The following KRT6A variants were observed in gnomAD, a reference collection of about 807,000 sequenced individuals.
KRT6A encodes keratin, type II cytoskeletal 6A.
Under a neutral mutation model 48.6 loss-of-function variants are expected in KRT6A, and 28 were observed. The ratio of observed to expected loss-of-function variants is 0.58; its 90% confidence interval spans 0.43 to 0.79. KRT6A has a LOEUF of 0.79. Ranked by LOEUF, KRT6A falls within the 30% of genes least tolerant of loss-of-function variation. The pLI is 0.00. For missense variants in KRT6A, 687 were observed against 724.3 expected, an observed-to-expected ratio of 0.95 and a Z score of 0.59; for synonymous variants, 301 against 294.2, an observed-to-expected ratio of 1.02 and a Z score of -0.24.
chr12:52,491,340 A>G (rs1324102131), intron 2 of KRT6A, among the ~76,000 whole-genome samples, 168 bp from the exon 3 acceptor site: 1 of 151,840 alleles, frequency 6.6e-6, no homozygotes, highest in East Asian at 1.9e-4. Flanking sequence ...CACTTCTTTA[A>G]TCTCCCCATC....
chr12:52,491,294 A>G, intron 2 of KRT6A, 122 bp from the exon 3 acceptor site: 1 of 1,575,630 alleles, frequency 6.3e-7, no homozygotes, highest in Non-Finnish European at 8.7e-7. Context: ...TGCCACAGAG[A>G]GCCTAAGAGA....
chr12:52,493,200 A>C lies in KRT6A; in HGVS notation c.-12T>G. ...GATGTGCTGGCCATGGTTCCAGGAG[A>C]TGAGAGAGCTGAGGAGAGTGTGAGA... On this transcript the variant is annotated 5_prime_UTR_variant, in exon 1 of 9. Coordinates refer to ENST00000330722, the MANE Select transcript of KRT6A (RefSeq NM_005554.4). 6.2e-7 allele frequency: 1 copy of C among 1,614,064 alleles called. No homozygotes were observed. Among genetic ancestry groups the C allele is most frequent in the Non-Finnish European group, 8.5e-7 (1 of 1,180,030 alleles).
Position 52,491,745 on chromosome 12 carries a change from G to C in KRT6A, c.541-9C>G, listed in dbSNP as rs1361387473. 1.2e-6 allele frequency: 2 copies of C among 1,614,044 alleles called. No individual in the cohort carries two copies. Among genetic ancestry groups the C allele is most frequent in the Middle Eastern group, 1.6e-4 (1 of 6,080 alleles). ...TGCTCCAGGAACCGCACCTGAAAGA[G>C]AGACAAGATGATCATTTTCCAGGCA... On this transcript the variant is annotated splice_polypyrimidine_tract_variant and intron_variant, in intron 1 of 8. Transcript: ENST00000330722.
intron 6 of KRT6A, 93 bp from the exon 7 acceptor site, chr12:52,488,641 C>T: frequency 2.7e-6 from 4 of 1,501,044 alleles, no homozygotes; most frequent in South Asian, 2.3e-5. Context: ...GGGCCAGGAG[C>T]CCAGAATTGA....
Position 52,491,050 on chromosome 12 carries a change from G to A in KRT6A, c.816+62C>T, listed in dbSNP as rs761828871. 180 of 1,613,706 alleles carry A rather than the reference G, an allele frequency of 1.1e-4. 1 individual carries two copies. The highest frequency in any genetic ancestry group is 4.0e-4 in the South Asian group (36 of 91,046). On this transcript the variant is annotated intron_variant, in intron 3 of 8. Transcript: ENST00000330722. ...GCCAATTCTCCTCTCCCAGGGGAGC[G>A]AGGACACAAAGCCACTTCTCTCCTT...
chr12:52,488,311 T>A lies in KRT6A; in HGVS notation c.1424+17A>T. 6.2e-7 allele frequency: 1 copy of A among 1,613,992 alleles called. No individual in the cohort carries two copies. Among genetic ancestry groups the A allele is most frequent in the Non-Finnish European group, 8.5e-7 (1 of 1,180,000 alleles). ...AGATGGACTCAGCTGTTGAAGGAGT[T>A]CGTGTCAGTTACCCACCTGCACTCC... On this transcript the variant is annotated intron_variant, in intron 7 of 8. Coordinates refer to ENST00000330722, the MANE Select transcript of KRT6A (RefSeq NM_005554.4).
In KRT6A at chr12:52,488,094, G is replaced by T. The variant is rs768734860; in HGVS notation, c.1434C>A (p.Gly478=). The T allele has an allele frequency of 6.2e-6, 10 of 1,613,976 alleles. No individual in the cohort carries two copies. Among genetic ancestry groups the T allele is most frequent in the Admixed American group, 1.7e-5 (1 of 60,008 alleles). ...LLEGEECRLN[G]EGVGQVNISV... is the part of the protein sequence containing the mutation. ...AGATGTTGACTTGTCCAACGCCTTC[G>T]CCATTCAGCCTGTGGAGAGGAACAC... The change falls in exon 8 of 9, where the codon GGC becomes GGA. Residue 478 remains glycine (G), a synonymous_variant. Coordinates refer to ENST00000330722, the MANE Select transcript of KRT6A (RefSeq NM_005554.4).
rs1938273134 is a variant in KRT6A at position 52,491,880 on chromosome 12, C to G, written c.541-144G>C. On this transcript the variant is annotated intron_variant, in intron 1 of 8. Coordinates refer to ENST00000330722, the MANE Select transcript of KRT6A (RefSeq NM_005554.4). The stretch of plus-strand genomic sequence containing the variant: ...AGAGAGGCTCAGGCTGAGCTCTGCT[C>G]CCCCAACCCCTTCTCCTTTGTACCC... 3.7e-5 allele frequency: 39 copies of G among 1,066,760 alleles called. No individual in the cohort carries two copies. The South Asian group carries it at 5.3e-4, about 15-fold the overall frequency. The allele number at this position is 1,066,760 out of a possible 1,614,324, so 66.1% of individuals were successfully genotyped here.
At position 52,491,866 on chromosome 12, in the gene KRT6A, G is replaced by C; in HGVS notation, c.541-130C>G. 5 of 1,225,124 alleles carry C rather than the reference G, an allele frequency of 4.1e-6. No homozygotes were observed. In the South Asian group the frequency reaches 6.5e-5, roughly 16 times the overall value. 75.9% of individuals were successfully genotyped at this position (1,225,124 alleles called of 1,614,324 possible). On this transcript the variant is annotated intron_variant, in intron 1 of 8. Coordinates refer to ENST00000330722, the MANE Select transcript of KRT6A (RefSeq NM_005554.4). ...ACTACAGTGCATGTAGAGAGGCTCA[G>C]GCTGAGCTCTGCTCCCCCAACCCCT...
intron 7 of KRT6A, 40 bp downstream of exon 7, chr12:52,488,288 A>G (rs771276247): frequency 1.6e-5 from 26 of 1,613,948 alleles, no homozygotes; most frequent in Middle Eastern, 1.6e-4. Context: ...AACCTTGAAG[A>G]TGGACTCAGC....
intron 6 of KRT6A, among the ~76,000 whole-genome samples, chr12:52,489,093 T>C (rs1353132941): frequency 2.0e-5 from 3 of 152,214 alleles, no homozygotes; most frequent in African/African-American, 7.2e-5. Context: ...CTTTCTTATC[T>C]GCCCTTTTCT....
chr12:52,491,446 C>T, intron 2 of KRT6A, 76 bp downstream of exon 2: 1 of 1,565,570 alleles, frequency 6.4e-7, no homozygotes, highest in Non-Finnish European at 8.8e-7. Context: ...ATATTACCCC[C>T]TTCTGGCCCT....
intron 2 of KRT6A, 67 bp downstream of exon 2, chr12:52,491,455 C>T (rs1223574928): frequency 1.1e-5 from 18 of 1,585,226 alleles, no homozygotes; most frequent in Non-Finnish European, 1.4e-5. Context: ...CCTTCTGGCC[C>T]TGGTCACCCA....
Position 52,488,407 on chromosome 12 carries a change from G to A in KRT6A, c.1345C>T (p.Gln449Ter), listed in dbSNP as rs1288745628. ...QDLARLLKEY[Q>*]ELMNVKLALD... ...GCCAGCTTGACATTCATCAGCTCCT[G>A]GTACTCCTTCAGCAGCCGGGCCAGG... The change falls in exon 7 of 9, where the codon CAG becomes TAG. Residue 449 changes from glutamine (Q) to a stop codon, truncating the protein, a stop_gained. Transcript: ENST00000330722. LOFTEE classifies it high-confidence loss of function. 1 of 1,613,992 alleles carries A rather than the reference G, an allele frequency of 6.2e-7. No individual in the cohort carries two copies. The highest frequency in any genetic ancestry group is 1.3e-5 in the African/African-American group (1 of 74,908).
rs1190857630 is a variant in KRT6A, at chr12:52,492,688, G to C, written c.501C>G (p.Ile167Met). The C allele has an allele frequency of 2.5e-6, 4 of 1,613,948 alleles. No individual in the cohort carries two copies. The African/African-American group carries it at 4.0e-5, about 16-fold the overall frequency. The change falls in exon 1 of 9, where the codon ATC (isoleucine) becomes ATG (methionine). Residue 167 changes from isoleucine to methionine, a missense_variant. Around this residue, in one of 3 missense-constraint regions of KRT6A, gnomAD observed 566 missense variants for 565.3 expected, o/e 1.00. Transcript: ENST00000330722. ...QRVRAEEREQ[I>M]KTLNNKFASF... ...AGGCAAACTTGTTGTTGAGGGTCTTGATCTGTTCACGCTCCTCAGCCCGCA... is the reference window on the plus strand; with the variant it reads ...AGGCAAACTTGTTGTTGAGGGTCTTCATCTGTTCACGCTCCTCAGCCCGCA...
intron 2 of KRT6A, 72 bp from the exon 3 acceptor site, chr12:52,491,244 A>C: frequency 6.2e-7 from 1 of 1,609,946 alleles, no homozygotes; most frequent in Admixed American, 1.7e-5. Flanking sequence ...CCTGGGATTC[A>C]ACATTTTCCC....
At position 52,491,689 on chromosome 12, in the gene KRT6A, G is replaced by T; in HGVS notation, c.588C>A (p.Thr196=). Residue 196 remains threonine, a synonymous_variant, in exon 2 of 9, where the codon ACC becomes ACA. Transcript: ENST00000330722. ...QQNKVLETKW[T]LLQEQGTKTV... is the part of the protein sequence containing the mutation. ...TCTTGGTGCCCTGCTCCTGCAGCAGGGTCCACTTTGTTTCCAGAACCTTGT... is the reference window on the plus strand; with the variant it reads ...TCTTGGTGCCCTGCTCCTGCAGCAGTGTCCACTTTGTTTCCAGAACCTTGT... 1.9e-6 allele frequency: 3 copies of T among 1,614,176 alleles called. No individual in the cohort carries two copies. The highest frequency in any genetic ancestry group is 2.5e-6 in the Non-Finnish European group (3 of 1,180,038).
intron 2 of KRT6A, 125 bp downstream of exon 2, chr12:52,491,397 A>AT (rs1319146626): frequency 1.1e-4 from 147 of 1,388,034 alleles, no homozygotes; most frequent in Admixed American, 2.0e-4. Flanking sequence ...CTAGGGACTA[A>AT]TTTGTGCTCT....
chr12:52,491,483 G>A (rs1422936097), intron 2 of KRT6A, 39 bp downstream of exon 2: 2 of 1,606,238 alleles, frequency 1.2e-6, no homozygotes, highest in East Asian at 2.2e-5. Context: ...TGAAGTGTGT[G>A]CTGCAGGAAA....
Sources: allele counts gnomAD v4.1 joint callset (sites outside exome capture counted in the v4.1 genomes callset), GRCh38; gene constraint gnomAD v4.1.1; regional missense constraint gnomAD v4.1.1; transcripts MANE v1.5; gene names NCBI Gene and HGNC (gene_info 2026-07-23, HGNC 2026-07-21).